CFAP43: variants seen among roughly 807,000 people sequenced by gnomAD.
CFAP43 encodes cilia- and flagella-associated protein 43.
A neutral mutation model predicts 218.9 loss-of-function variants in CFAP43; 155 were observed. That is an observed-to-expected ratio of 0.71 (90% CI 0.62 to 0.81). The LOEUF (loss-of-function observed/expected upper bound fraction) is 0.81, where lower values mean the gene tolerates loss of function less well. CFAP43 is among the 30% of genes least tolerant of loss of function. The probability of loss-of-function intolerance (pLI) is 0.00; values close to 1 mark genes in which losing one functional copy is unlikely to be tolerated. For synonymous variants in CFAP43, 645 were observed against 681.3 expected (o/e 0.95, Z 0.83); for missense variants, 1,778 against 1,954.3 (o/e 0.91, Z 1.70).
intron 34 of CFAP43, among the ~76,000 whole-genome samples, chr10:104,139,393 T>TC (rs1321881666): frequency 6.6e-6 from 1 of 152,042 alleles, no homozygotes; most frequent in Non-Finnish European, 1.5e-5. Flanking sequence ...CTCAAGAATC[T>TC]CACGCACACA....
At chr10:104,165,662 T>C (rs1589682404) in intron 23 of CFAP43, among the ~76,000 whole-genome samples, 1 of 151,862 alleles carries the variant, frequency 6.6e-6, no homozygotes, top group Non-Finnish European at 1.5e-5. Flanking sequence ...GGTTTCTACA[T>C]GTATAGACGT....
intron 20 of CFAP43, among the ~76,000 whole-genome samples, chr10:104,170,214 A>T (rs2089351038): frequency 6.6e-6 from 1 of 151,966 alleles, no homozygotes; most frequent in Non-Finnish European, 1.5e-5. Flanking sequence ...AAAAATAAAC[A>T]ATATGAGGGA....
intron 27 of CFAP43, among the ~76,000 whole-genome samples, chr10:104,156,102 G>A (rs920668197): frequency 4.6e-5 from 7 of 152,102 alleles, no homozygotes; most frequent in Non-Finnish European, 8.8e-5. Flanking sequence ...AGGGCAACTC[G>A]AAAGAGGAAA....
intron 14 of CFAP43, 59 bp from the exon 15 acceptor site, chr10:104,186,182 G>C: frequency 6.6e-6 from 9 of 1,370,742 alleles, no homozygotes; most frequent in Non-Finnish European, 8.6e-6. Flanking sequence ...GCACCTTTGG[G>C]TTTGCAGATA....
chr10:104,225,078 A>T (rs778947563), intron 3 of CFAP43, among the ~76,000 whole-genome samples: 5 of 152,212 alleles, frequency 3.3e-5, no homozygotes, highest in African/African-American at 7.2e-5. Flanking sequence ...GTCTCTAACA[A>T]CAATTACTTT....
intron 3 of CFAP43, among the ~76,000 whole-genome samples, chr10:104,215,828 C>T (rs1277110678): frequency 6.6e-6 from 1 of 152,144 alleles, no homozygotes; most frequent in African/African-American, 2.4e-5. Context: ...AGTATAACTA[C>T]CCATTTGGGT....
chr10:104,202,517 A>C (rs192951600), intron 8 of CFAP43, among the ~76,000 whole-genome samples: 10 of 152,262 alleles, frequency 6.6e-5, no homozygotes, highest in Admixed American at 6.5e-4. Context: ...CATATGTTAG[A>C]TCTTTTCACT....
chr10:104,212,573 A>G (rs2090896882), intron 4 of CFAP43, among the ~76,000 whole-genome samples: 1 of 152,180 alleles, frequency 6.6e-6, no homozygotes, highest in African/African-American at 2.4e-5. Flanking sequence ...GAATACTATA[A>G]CCTGGATATT....
intron 23 of CFAP43, among the ~76,000 whole-genome samples, chr10:104,164,767 G>A (rs2089068203): frequency 6.6e-6 from 1 of 152,094 alleles, no homozygotes; most frequent in African/African-American, 2.4e-5. Flanking sequence ...GTCATTTCTT[G>A]GCTCAATAAT....
At position 104,140,962 on chromosome 10, in the gene CFAP43, T is replaced by C. The variant is rs778763319; in HGVS notation, c.4311A>G (p.Thr1437=). The C allele has an allele frequency of 5.0e-6, 8 of 1,612,930 alleles. No homozygotes were observed. The highest frequency in any genetic ancestry group is 3.3e-5 in the South Asian group (3 of 90,840). Residue 1437 remains threonine, a synonymous_variant, in exon 34 of 38, where the codon ACA becomes ACG. Transcript: ENST00000357060. ...EEKVRFQLNL[T]IQILLKQGQV... ...GTCCTTGTTTAAGAAGAATTTGGAT[T>C]GTCAAATTCAACTGGAATCTCACTT...
Position 104,152,731 on chromosome 10 carries a change from A to G in CFAP43, c.3541-5T>C. 6.2e-7 allele frequency: 1 copy of G among 1,604,836 alleles called. No individual in the cohort carries two copies. The highest frequency in any genetic ancestry group is 8.5e-7 in the Non-Finnish European group (1 of 1,177,704). On this transcript the variant is annotated splice_polypyrimidine_tract_variant and splice_region_variant and intron_variant, in intron 27 of 37. Transcript: ENST00000357060. ...CTTCAGTTCTGCTTCTAATGACTAAAAGGAAAACAATAGTAAAGTTAACGT... is the reference window on the plus strand; with the variant it reads ...CTTCAGTTCTGCTTCTAATGACTAAGAGGAAAACAATAGTAAAGTTAACGT...
intron 4 of CFAP43, among the ~76,000 whole-genome samples, chr10:104,213,425 GC>G (rs2090921761): frequency 6.6e-6 from 1 of 152,104 alleles, no homozygotes; most frequent in Non-Finnish European, 1.5e-5. Context: ...TATCACCACG[GC>G]ATTTGTCACA....
chr10:104,146,642 C>T (rs531069106), intron 29 of CFAP43, among the ~76,000 whole-genome samples: 198 of 152,200 alleles, frequency 1.3e-3, no homozygotes, highest in Admixed American at 1.6e-3. Context: ...GCACAGGCTT[C>T]GGAATCACAT....
At position 104,131,455 on chromosome 10, in the gene CFAP43, C is replaced by A. The variant is rs1179099029; in HGVS notation, c.4707G>T (p.Lys1569Asn). The A allele has an allele frequency of 6.2e-7, 1 of 1,612,542 alleles. No individual in the cohort carries two copies. The highest frequency in any genetic ancestry group is 8.5e-7 in the Non-Finnish European group (1 of 1,179,594). ...ACTTTCCAAGTTTTTTGAGTAGTTT[C>A]TTGCAGTTTTCCACATTCTTTTTGT... ...KMHKKNVENC[K>N]KLLKKLGKFS... is the part of the protein sequence containing the mutation. Residue 1569 changes from lysine (K) to asparagine (N), a missense_variant, in exon 37 of 38, where the codon AAG (lysine) becomes AAT (asparagine). Lys to Asn is a moderately conservative substitution (Grantham distance 94, BLOSUM62 0). Coordinates refer to ENST00000357060, the MANE Select transcript of CFAP43 (RefSeq NM_025145.7).
chr10:104,194,697 A>G (rs186156166), intron 10 of CFAP43, among the ~76,000 whole-genome samples: 144 of 152,352 alleles, frequency 9.5e-4, no homozygotes, highest in African/African-American at 3.4e-3. Context: ...AAGAGAATAA[A>G]TTGACTTTCA....
chr10:104,149,571 T>C (rs1234920975), intron 28 of CFAP43, among the ~76,000 whole-genome samples: 6 of 152,192 alleles, frequency 3.9e-5, no homozygotes, highest in Non-Finnish European at 8.8e-5. Context: ...ATATCATAAA[T>C]TCATAAATTT....
At chr10:104,214,553 C>T in intron 3 of CFAP43, 127 bp from the exon 4 acceptor site, 2 of 810,814 alleles carry the variant, frequency 2.5e-6, no homozygotes, top group Non-Finnish European at 3.6e-6. Context: ...AATCAATGAC[C>T]TTAATGTCAA....
At chr10:104,153,994 T>A (rs917397123) in intron 27 of CFAP43, among the ~76,000 whole-genome samples, 4 of 152,226 alleles carry the variant, frequency 2.6e-5, no homozygotes, top group African/African-American at 7.2e-5. Context: ...AGTTATGTTA[T>A]GTCCTTCTGT....
chr10:104,232,295 G>A lies in CFAP43; in HGVS notation c.-49C>T. 4.0e-6 allele frequency: 6 copies of A among 1,515,658 alleles called. No homozygotes were observed. The highest frequency in any genetic ancestry group is 1.3e-5 in the South Asian group (1 of 79,528). 93.9% of individuals were successfully genotyped at this position (1,515,658 alleles called of 1,614,324 possible). On this transcript the variant is annotated 5_prime_UTR_variant, in exon 1 of 38. Transcript: ENST00000357060. ...AGCAGGCAGCGCACGCAGCACCCCA[G>A]GGCGGGTCGGTTACCTTTCCGCCGC...
Sources: allele counts gnomAD v4.1 joint callset (sites outside exome capture counted in the v4.1 genomes callset), GRCh38; gene constraint gnomAD v4.1.1; transcripts MANE v1.5; gene names NCBI Gene and HGNC (gene_info 2026-07-23, HGNC 2026-07-21).